ASPM: variants seen among roughly 807,000 people sequenced by gnomAD.
The protein encoded by ASPM is assembly factor for spindle microtubules, also known as abnormal spindle-like microcephaly-associated protein.
In ASPM, 256 loss-of-function variants were observed where a neutral mutation model predicts 366.4. The ratio of observed to expected loss-of-function variants is 0.70; its 90% CI spans 0.63 to 0.77. The LOEUF is 0.77. Ranked by LOEUF, ASPM falls within the 30% of genes least tolerant of loss-of-function variation. The probability of loss-of-function intolerance (pLI) is 0.00; values close to 1 mark genes in which losing one functional copy is unlikely to be tolerated. For synonymous variants in ASPM, 1,414 were observed against 1,342.9 expected, an observed-to-expected ratio of 1.05 and a Z score of -1.16; for missense variants, 4,146 against 4,090.4, an observed-to-expected ratio of 1.01 and a Z score of -0.37.
chr1:197,112,496 T>C (rs1657618843), intron 17 of ASPM, among the ~76,000 whole-genome samples: 1 of 152,024 alleles, frequency 6.6e-6, no homozygotes, highest in South Asian at 2.1e-4. Flanking sequence ...CAGAAAAATA[T>C]ATTGGGCCCC....
intron 16 of ASPM, among the ~76,000 whole-genome samples, chr1:197,119,097 T>C (rs1361233123): frequency 1.3e-5 from 2 of 152,150 alleles, no homozygotes; most frequent in African/African-American, 4.8e-5. Flanking sequence ...ATAATCAAAC[T>C]GTTATTTTTA....
intron 10 of ASPM, among the ~76,000 whole-genome samples, chr1:197,127,128 G>C (rs114347204): frequency 4.6e-5 from 7 of 151,932 alleles, no homozygotes; most frequent in Non-Finnish European, 8.8e-5. Flanking sequence ...CTTTCAATTG[G>C]TCTCCATGAA....
chr1:197,095,893 A>T (rs1656958489), intron 19 of ASPM, 105 bp downstream of exon 19: 2 of 1,056,934 alleles, frequency 1.9e-6, no homozygotes, highest in Non-Finnish European at 2.7e-6. Context: ...AATTAAGCAT[A>T]ACAAATATTT....
chr1:197,134,499 C>T (rs933789073), intron 5 of ASPM, among the ~76,000 whole-genome samples: 12 of 152,150 alleles, frequency 7.9e-5, no homozygotes, highest in Admixed American at 7.9e-4. Context: ...ATAGGAAAAT[C>T]ATCACTTTAA....
At chr1:197,088,115 A>T (rs764066246) in intron 26 of ASPM, 141 bp downstream of exon 26, 2 of 815,102 alleles carry the variant, frequency 2.5e-6, no homozygotes, top group Non-Finnish European at 3.9e-6. Flanking sequence ...TCCTGAATTC[A>T]TTTTATCCGT....
chr1:197,109,532 A>G (rs1657523199), intron 17 of ASPM, among the ~76,000 whole-genome samples: 1 of 152,138 alleles, frequency 6.6e-6, no homozygotes, highest in Non-Finnish European at 1.5e-5. Context: ...TACAGTTTAT[A>G]TAATACTTAA....
chr1:197,117,719 C>T lies in ASPM; in HGVS notation c.4065+70G>A, dbSNP rs950275568. The T allele has an allele frequency of 6.1e-6, 8 of 1,301,880 alleles. No individual in the cohort carries two copies. The Admixed American group carries it at 1.0e-4, about 16-fold the overall frequency. 80.6% of individuals were successfully genotyped at this position (1,301,880 alleles called of 1,614,324 possible). A position where few individuals can be genotyped will look rare whatever the true frequency, so the allele number is the denominator to read the frequency against. Reference sequence around the variant, plus strand: ...AATATAATCATTGAAAACTTCATCACATTTTGCCTTCTTACTTAAAAAAGT... The same window carrying T: ...AATATAATCATTGAAAACTTCATCATATTTTGCCTTCTTACTTAAAAAAGT... On this transcript the variant is annotated intron_variant, in intron 17 of 27. Transcript: ENST00000367409.
Position 197,102,706 on chromosome 1 carries a change from A to C in ASPM, c.6545T>G (p.Val2182Gly), listed in dbSNP as rs765139526. Residue 2182 changes from valine to glycine, a missense_variant, in exon 18 of 28, where the codon GTT becomes GGT. Val to Gly is a moderately radical substitution (Grantham distance 109). Coordinates refer to ENST00000367409, the MANE Select transcript of ASPM (RefSeq NM_018136.5). Reference sequence around the variant, plus strand: ...CTGCATCTTTCTAAGAGTCCGTCTAACTCTTACTCCTCTAAAACTTGCCTG... The same window carrying C: ...CTGCATCTTTCTAAGAGTCCGTCTACCTCTTACTCCTCTAAAACTTGCCTG... ...VLQASFRGVR[V>G]RRTLRKMQTA... 1.4e-5 allele frequency: 23 copies of C among 1,612,536 alleles called. No homozygotes were observed. The highest frequency in any genetic ancestry group is 2.0e-5 in the Non-Finnish European group (23 of 1,179,262).
intron 18 of ASPM, among the ~76,000 whole-genome samples, chr1:197,099,469 T>G (rs2125092715): frequency 1.3e-5 from 2 of 151,808 alleles, no homozygotes; most frequent in Middle Eastern, 3.4e-3. Context: ...TATTTCTAAT[T>G]CATACTTCAG....
chr1:197,084,748 G>A (rs777954242), intron 27 of ASPM, among the ~76,000 whole-genome samples: 42 of 152,054 alleles, frequency 2.8e-4, no homozygotes, highest in South Asian at 6.2e-4. Flanking sequence ...TACTGTCACC[G>A]TTCTCAGCAA....
chr1:197,100,216 G>A (rs1363197965), intron 18 of ASPM, among the ~76,000 whole-genome samples: 2 of 151,584 alleles, frequency 1.3e-5, no homozygotes, highest in African/African-American at 4.8e-5. Context: ...CACACATAGG[G>A]TGACCATGGC....
intron 12 of ASPM, among the ~76,000 whole-genome samples, 156 bp downstream of exon 12, chr1:197,124,714 T>C (rs1201828511): frequency 6.6e-6 from 1 of 151,422 alleles, no homozygotes; most frequent in Non-Finnish European, 1.5e-5. Flanking sequence ...CACATATATA[T>C]ACATATATAT....
In ASPM at chr1:197,142,340, T is replaced by A; in HGVS notation, c.1912A>T (p.Lys638Ter). The A allele has an allele frequency of 5.0e-6, 8 of 1,613,696 alleles. No individual in the cohort carries two copies. Among genetic ancestry groups the A allele is most frequent in the Non-Finnish European group, 6.8e-6 (8 of 1,179,708 alleles). The change falls in exon 3 of 28, where the codon AAG becomes TAG. Residue 638 changes from lysine (K) to a stop codon, truncating the protein, a stop_gained. Coordinates refer to ENST00000367409, the MANE Select transcript of ASPM (RefSeq NM_018136.5). LOFTEE classifies it high-confidence loss of function. Reference protein sequence around the residue: ...ISNREKLNLKKKTDLSIFRTP... With the variant: ...ISNREKLNLK ...TATAAACAAGACTCACCAGTTTTCT[T>A]CTTCAGGTTTAATTTCTCTCTGTTG...
rs1295728710 is a variant in ASPM at position 197,139,876 on chromosome 1, A to G, written c.1922-5T>C. On this transcript the variant is annotated splice_region_variant and splice_polypyrimidine_tract_variant and intron_variant, in intron 3 of 27. Transcript: ENST00000367409. ...GAGTTCTGAATATTGATAAATCTAA[A>G]ATAAATTAGAAAACAAAACTAAGAG... 3.2e-6 allele frequency: 5 copies of G among 1,554,308 alleles called. No individual in the cohort carries two copies. In the African/African-American group the frequency reaches 6.8e-5, roughly 21 times the overall value.
intron 4 of ASPM, 33 bp downstream of exon 4, chr1:197,139,734 T>G: frequency 4.8e-6 from 7 of 1,466,870 alleles, no homozygotes; most frequent in South Asian, 2.3e-5. Flanking sequence ...CGATGTCATG[T>G]TTTCAGAGAG....
chr1:197,105,093 A>G lies in ASPM; in HGVS notation c.4158T>C (p.Ala1386=), dbSNP rs781567992. Reference sequence around the variant, plus strand: ...AAAGATATCGTTTATAAGATGTAACAGCAATTATCATTCTTATCCTAGATT... The same window carrying G: ...AAAGATATCGTTTATAAGATGTAACGGCAATTATCATTCTTATCCTAGATT... ...ILQSRIRMII[A]VTSYKRYLWA... The change falls in exon 18 of 28, where the codon GCT becomes GCC. Residue 1386 remains alanine (A), a synonymous_variant. Coordinates refer to ENST00000367409, the MANE Select transcript of ASPM (RefSeq NM_018136.5). 6.2e-7 allele frequency: 1 copy of G among 1,609,650 alleles called. No homozygotes were observed. Among genetic ancestry groups the G allele is most frequent in the South Asian group, 1.1e-5 (1 of 90,896 alleles).
At position 197,101,819 on chromosome 1, in the gene ASPM, G is replaced by T; in HGVS notation, c.7432C>A (p.Gln2478Lys). The T allele has an allele frequency of 6.2e-7, 1 of 1,612,800 alleles. No homozygotes were observed. Among genetic ancestry groups the T allele is most frequent in the Non-Finnish European group, 8.5e-7 (1 of 1,179,298 alleles). Residue 2478 changes from glutamine (Q) to lysine (K), a missense_variant, in exon 18 of 28, where the codon CAA becomes AAA. By Grantham distance (53) the Gln-to-Lys change is moderately conservative. Around this residue, in one of 3 missense-constraint regions of ASPM, gnomAD observed 3,624 missense variants for 3,591.7 expected, o/e 1.01. Transcript: ENST00000367409. ...YRRLMVKKKL[Q>K]EMQRAAVLIQ... ...AGAACTGCAGCCCTTTGCATTTCTT[G>T]TAACTTCTTCTTTACCATCAGTCTT...
intron 18 of ASPM, among the ~76,000 whole-genome samples, chr1:197,098,069 A>G (rs1657036879): frequency 6.6e-6 from 1 of 150,774 alleles, no homozygotes. Context: ...CATTGACAAG[A>G]GAAGCCAACA....
At chr1:197,087,408 G>T (rs948514830) in intron 26 of ASPM, among the ~76,000 whole-genome samples, 1 of 152,028 alleles carries the variant, frequency 6.6e-6, no homozygotes, top group Admixed American at 6.6e-5. Flanking sequence ...AATAATCAAA[G>T]AAACCTCACC....
Sources: gnomAD v4.1 joint callset for allele counts (sites outside exome capture counted in the v4.1 genomes callset) on GRCh38, gnomAD v4.1.1 for gene constraint, gnomAD v4.1.1 regional missense constraint, MANE v1.5 for transcripts, NCBI Gene and HGNC (gene_info 2026-07-23, HGNC 2026-07-21) for gene names.